XPR1: variants seen among roughly 807,000 people sequenced by gnomAD.
XPR1 encodes the protein xenotropic and polytropic retrovirus receptor 1.
XPR1 carries 28 observed loss-of-function variants against 87.5 expected under a neutral mutation model. The observed-to-expected ratio is 0.32, with a 90% CI of 0.24 to 0.44. The LOEUF (loss-of-function observed/expected upper bound fraction) is 0.44. Ranked by LOEUF, XPR1 falls within the 20% of genes least tolerant of loss-of-function variation. XPR1 has a pLI of 1.00. For missense variants in XPR1, 559 were observed against 862.3 expected, an observed-to-expected ratio of 0.65 and a Z score of 4.41; for synonymous variants, 300 against 306.1, an observed-to-expected ratio of 0.98 and a Z score of 0.21.
At chr1:180,875,733 AAAAC>A (rs1317328252) in intron 13 of XPR1, among the ~76,000 whole-genome samples, 1 of 152,140 alleles carries the variant, frequency 6.6e-6, no homozygotes, top group African/African-American at 2.4e-5. Flanking sequence ...AATGGAACAG[AAAAC>A]AAACACACAA....
chr1:180,710,613 A>G (rs932336522), intron 2 of XPR1, among the ~76,000 whole-genome samples: 3 of 152,216 alleles, frequency 2.0e-5, no homozygotes, highest in Non-Finnish European at 2.9e-5. Flanking sequence ...CTACACAGAC[A>G]CAGCAACAAT....
rs191748856 is a variant in XPR1, at chr1:180,671,109, G to T, written c.70-11251G>T. Among the ~76,000 whole-genome samples, 246 of 152,266 alleles carry T rather than the reference G, an allele frequency of 1.6e-3. 1 individual carries two copies. The highest frequency in any genetic ancestry group is 5.6e-3 in the African/African-American group (232 of 41,562). ...GGGTTAGATTATGAAAATCAAAGTG[G>T]TTTTTTCCATTTTGAAAGATAAGCC... On this transcript the variant is annotated intron_variant, in intron 1 of 14. Transcript: ENST00000367590.
chr1:180,832,744 A>T (rs557823346), intron 9 of XPR1, among the ~76,000 whole-genome samples: 7 of 151,548 alleles, frequency 4.6e-5, no homozygotes, highest in African/African-American at 1.7e-4. Context: ...GTTCCAATAC[A>T]TGCTGTTTTG....
chr1:180,840,051 GTC>G (rs1034096688), intron 11 of XPR1, among the ~76,000 whole-genome samples: 1 of 151,418 alleles, frequency 6.6e-6, no homozygotes, highest in African/African-American at 2.4e-5. Context: ...GTGAAACCCC[GTC>G]TCTACTAAAA....
At chr1:180,776,678 C>T (rs1648739194) in intron 2 of XPR1, among the ~76,000 whole-genome samples, 1 of 152,080 alleles carries the variant, frequency 6.6e-6, no homozygotes, top group African/African-American at 2.4e-5. Context: ...ACATTCCTCC[C>T]ACTTTACTAA....
At chr1:180,782,552 C>T (rs770118682) in intron 2 of XPR1, among the ~76,000 whole-genome samples, 3 of 151,888 alleles carry the variant, frequency 2.0e-5, no homozygotes, top group Admixed American at 1.3e-4. Flanking sequence ...AGAGAACATA[C>T]GTGTGTGTTG....
chr1:180,687,115 A>G (rs571906959), intron 2 of XPR1, among the ~76,000 whole-genome samples: 50 of 152,304 alleles, frequency 3.3e-4, no homozygotes, highest in Admixed American at 2.8e-3. Context: ...ATGAAATTCC[A>G]TAGAAGCTGA....
At chr1:180,645,612 T>C (rs1435230163) in intron 1 of XPR1, among the ~76,000 whole-genome samples, 1 of 152,206 alleles carries the variant, frequency 6.6e-6, no homozygotes, top group South Asian at 2.1e-4. Context: ...ACTAAAGAAC[T>C]CTGGCCAGTG....
chr1:180,721,284 G>T (rs10494532), intron 2 of XPR1, among the ~76,000 whole-genome samples: 47,625 of 151,620 alleles, frequency 0.31, 8,191 homozygotes, highest in Non-Finnish European at 0.38. Flanking sequence ...GTGAAATCCA[G>T]GTTGAATATT....
intron 1 of XPR1, among the ~76,000 whole-genome samples, chr1:180,643,874 G>C (rs1330397635): frequency 6.6e-6 from 1 of 152,100 alleles, no homozygotes; most frequent in African/African-American, 2.4e-5. Context: ...GTGCATTTGA[G>C]GTCACTGTGT....
intron 2 of XPR1, among the ~76,000 whole-genome samples, chr1:180,696,631 A>G (rs942571236): frequency 2.6e-5 from 4 of 152,086 alleles, no homozygotes; most frequent in Non-Finnish European, 2.9e-5. Context: ...GGTTTGTCAT[A>G]TATGGCCTTT....
chr1:180,863,710 C>A lies in XPR1; in HGVS notation c.1504C>A (p.Arg502=). Residue 502 remains arginine (R), a splice_region_variant and synonymous_variant, in exon 12 of 15, where the codon CGA becomes AGA. Coordinates refer to ENST00000367590, the MANE Select transcript of XPR1 (RefSeq NM_004736.4). ...CTCTTTCCCTCTTCTTTCTTCAGAACGAGGTCACTCGGACACTATGGTGTT... is the reference window on the plus strand; with the variant it reads ...CTCTTTCCCTCTTCTTTCTTCAGAAAGAGGTCACTCGGACACTATGGTGTT... The part of the protein sequence containing the change: ...FAALYSTHKE[R]GHSDTMVFFY... 6.4e-7 allele frequency: 1 copy of A among 1,561,240 alleles called. No homozygotes were observed. Among genetic ancestry groups the A allele is most frequent in the Non-Finnish European group, 8.6e-7 (1 of 1,160,210 alleles).
At chr1:180,877,776 G>A (rs1425958508) in intron 13 of XPR1, among the ~76,000 whole-genome samples, 2 of 151,566 alleles carry the variant, frequency 1.3e-5, no homozygotes, top group African/African-American at 2.4e-5. Context: ...AGAGAAAGAA[G>A]GACTAACTTT....
intron 2 of XPR1, among the ~76,000 whole-genome samples, chr1:180,712,721 G>A (rs1215079687): frequency 2.0e-5 from 3 of 152,068 alleles, no homozygotes; most frequent in East Asian, 1.9e-4. Context: ...CAGGAGAATC[G>A]CTTGAACCTG....
chr1:180,683,078 C>T (rs553062729), intron 2 of XPR1, among the ~76,000 whole-genome samples: 32 of 151,736 alleles, frequency 2.1e-4, no homozygotes, highest in African/African-American at 7.0e-4. Flanking sequence ...CCCATTAACT[C>T]GTCGTTTAGC....
Position 180,824,780 on chromosome 1 carries a change from G to C in XPR1, c.791G>C (p.Ser264Thr). The change falls in exon 8 of 15, where the codon AGT becomes ACT. Residue 264 changes from serine to threonine, a missense_variant. Ser to Thr is a moderately conservative substitution (Grantham distance 58). This residue lies in a region of XPR1 where 39 missense variants were observed against 38.5 expected (regional missense o/e 1.01). Coordinates refer to ENST00000367590, the MANE Select transcript of XPR1 (RefSeq NM_004736.4). ...AAVFKLETDR[S>T]IWPLIRIYRG... ...GTATTTAAACTTGAAACAGATAGAA[G>C]TATATGGCCCTTGATAAGAATCTAT... 6.2e-7 allele frequency: 1 copy of C among 1,613,748 alleles called. No individual in the cohort carries two copies. The highest frequency in any genetic ancestry group is 8.5e-7 in the Non-Finnish European group (1 of 1,179,854).
intron 2 of XPR1, among the ~76,000 whole-genome samples, chr1:180,689,636 A>G (rs908499015): frequency 6.6e-6 from 1 of 152,194 alleles, no homozygotes; most frequent in African/African-American, 2.4e-5. Context: ...AATAGATACC[A>G]TGAGGATTCT....
intron 3 of XPR1, among the ~76,000 whole-genome samples, chr1:180,793,611 A>G (rs1424847277): frequency 6.6e-6 from 1 of 152,132 alleles, no homozygotes; most frequent in East Asian, 1.9e-4. Context: ...TCTTGAGTTC[A>G]TTACAGTAGA....
intron 11 of XPR1, among the ~76,000 whole-genome samples, chr1:180,860,546 G>T (rs748225582): frequency 3.3e-5 from 5 of 152,122 alleles, no homozygotes; most frequent in Admixed American, 2.0e-4. Context: ...ACTGATACAT[G>T]CAACAACATG....
Sources: allele counts gnomAD v4.1 joint callset (sites outside exome capture counted in the v4.1 genomes callset), GRCh38; gene constraint gnomAD v4.1.1; regional missense constraint gnomAD v4.1.1; transcripts MANE v1.5; gene names NCBI Gene and HGNC (gene_info 2026-07-23, HGNC 2026-07-21).